PTPN2: variants seen among roughly 807,000 people sequenced by gnomAD.
The protein encoded by PTPN2 is tyrosine-protein phosphatase non-receptor type 2.
In PTPN2, 19 loss-of-function variants were observed where a neutral mutation model predicts 57.3. The observed-to-expected ratio is 0.33, with a 90% CI of 0.23 to 0.49. The LOEUF is 0.49. PTPN2 is among the 20% of genes least tolerant of loss of function. The probability of loss-of-function intolerance (pLI) is 0.99; values close to 1 mark genes in which losing one functional copy is unlikely to be tolerated. For missense variants in PTPN2, 358 were observed against 501.1 expected (o/e 0.71, Z 2.73); for synonymous variants, 153 against 164.9 (o/e 0.93, Z 0.55).
intron 5 of PTPN2, chr18:12,819,098 A>AG (rs1242877608): frequency 2.3e-6 from 1 of 428,912 alleles, no homozygotes; most frequent in Non-Finnish European, 4.0e-6. Context: ...CCATCTCAAA[A>AG]AAAAAAAAAA....
At chr18:12,859,818 T>C (rs1420918977) in intron 1 of PTPN2, among the ~76,000 whole-genome samples, 1 of 152,150 alleles carries the variant, frequency 6.6e-6, no homozygotes, top group Admixed American at 6.5e-5. Context: ...ATGTTTGTCA[T>C]TACTTCTCCT....
chr18:12,844,834 C>T (rs2043161830), intron 2 of PTPN2, among the ~76,000 whole-genome samples: 1 of 152,154 alleles, frequency 6.6e-6, no homozygotes, highest in Admixed American at 6.5e-5. Flanking sequence ...GCCTTACATC[C>T]TGAATTTTCT....
intron 1 of PTPN2, among the ~76,000 whole-genome samples, chr18:12,872,052 AAAAAAAC>A (rs140928954): frequency 0.17 from 21,169 of 122,604 alleles, 1,688 homozygotes; most frequent in Middle Eastern, 0.25. Context: ...CTGTCTCAAA[AAAAAAAC>A]AAAAAAACAA....
intron 1 of PTPN2, chr18:12,862,619 A>T (rs900793250): frequency 1.3e-5 from 2 of 152,306 alleles, no homozygotes; most frequent in African/African-American, 4.8e-5. Context: ...AACGCTGACA[A>T]AGAGGACTGG....
At chr18:12,866,615 T>C (rs1412130843) in intron 1 of PTPN2, among the ~76,000 whole-genome samples, 1 of 152,118 alleles carries the variant, frequency 6.6e-6, no homozygotes, top group Non-Finnish European at 1.5e-5. Flanking sequence ...AGTCTCTCCT[T>C]GGGGTGTTGA....
At chr18:12,849,063 A>G (rs564553455) in intron 2 of PTPN2, among the ~76,000 whole-genome samples, 1 of 152,176 alleles carries the variant, frequency 6.6e-6, no homozygotes, top group Non-Finnish European at 1.5e-5. Context: ...CTTGTTCCCA[A>G]TATTTTTTTA....
intron 7 of PTPN2, among the ~76,000 whole-genome samples, chr18:12,804,507 T>C (rs553577613): frequency 6.8e-6 from 1 of 147,826 alleles, no homozygotes; most frequent in South Asian, 2.1e-4. Context: ...AACAAACCTA[T>C]AGCAGACTAA....
intron 2 of PTPN2, among the ~76,000 whole-genome samples, chr18:12,855,625 AT>A (rs1309545040): frequency 6.6e-6 from 1 of 152,086 alleles, no homozygotes; most frequent in Non-Finnish European, 1.5e-5. Context: ...CTGAGAGATA[AT>A]TTACTCGGTG....
Position 12,870,321 on chromosome 18 carries a change from G to GTGTA in PTPN2, c.70-11068_70-11067insTACA, listed in dbSNP as rs1568168500. On this transcript the variant is annotated intron_variant, in intron 1 of 8. Coordinates refer to ENST00000309660, the MANE Select transcript of PTPN2 (RefSeq NM_002828.4). Reference sequence around the variant, plus strand: ...TATGTGTATATATACATATATATGTGTATATATATGTATATATATACATAT... The same window carrying GTGTA: ...TATGTGTATATATACATATATATGTGTGTATATATATATGTATATATATACATAT... Among the ~76,000 whole-genome samples, 84 of 40,972 alleles carry GTGTA rather than the reference G, an allele frequency of 2.1e-3. 4 individuals carry two copies. Among genetic ancestry groups the GTGTA allele is most frequent in the South Asian group, 0.015 (15 of 998 alleles). The allele number at this position is 40,972 out of a possible 152,430, so 26.9% of individuals were successfully genotyped here. A position where few individuals can be genotyped will look rare whatever the true frequency, so the allele number is the denominator to read the frequency against.
chr18:12,834,137 A>G, intron 3 of PTPN2, among the ~76,000 whole-genome samples: 1 of 152,138 alleles, frequency 6.6e-6, no homozygotes, highest in East Asian at 1.9e-4. Context: ...GACCAGCCTG[A>G]GCAACATGGT....
chr18:12,808,284 C>T (rs2145278972), intron 7 of PTPN2, among the ~76,000 whole-genome samples: 1 of 151,150 alleles, frequency 6.6e-6, no homozygotes, highest in Non-Finnish European at 1.5e-5. Context: ...ATTTCAAGTA[C>T]TATGAAATAT....
intron 1 of PTPN2, among the ~76,000 whole-genome samples, chr18:12,866,897 C>T (rs988293044): frequency 6.6e-6 from 1 of 151,522 alleles, no homozygotes; most frequent in South Asian, 2.1e-4. Context: ...CCCAGCTACT[C>T]GGGACACTGA....
At chr18:12,870,653 C>T (rs773327237) in intron 1 of PTPN2, among the ~76,000 whole-genome samples, 15 of 149,150 alleles carry the variant, frequency 1.0e-4, no homozygotes, top group East Asian at 2.0e-4. Flanking sequence ...GGACTACAGG[C>T]GCCCGCAACC....
intron 5 of PTPN2, among the ~76,000 whole-genome samples, chr18:12,820,436 A>C (rs2042231548): frequency 6.6e-6 from 1 of 152,186 alleles, no homozygotes; most frequent in Non-Finnish European, 1.5e-5. Flanking sequence ...ATTCATATGC[A>C]TGACTGGATG....
chr18:12,870,456 TATATATAGAGAGAGAGAG>T (rs1297240703), intron 1 of PTPN2, among the ~76,000 whole-genome samples: 4 of 38,622 alleles, frequency 1.0e-4, no homozygotes, highest in African/African-American at 4.9e-4. Flanking sequence ...TATATATATA[TATATATAGAGAGAGAGAG>T]AGAGAGAGAG....
chr18:12,834,163 C>A (rs2042766937), intron 3 of PTPN2, among the ~76,000 whole-genome samples: 1 of 152,112 alleles, frequency 6.6e-6, no homozygotes, highest in South Asian at 2.1e-4. Flanking sequence ...CTTGTCTCTA[C>A]TAAAAATACA....
intron 1 of PTPN2, among the ~76,000 whole-genome samples, chr18:12,866,906 G>A (rs1183888075): frequency 6.6e-6 from 1 of 152,002 alleles, no homozygotes; most frequent in Non-Finnish European, 1.5e-5. Context: ...TCGGGACACT[G>A]AGGCAGGAGA....
At chr18:12,846,053 G>A (rs2043195302) in intron 2 of PTPN2, among the ~76,000 whole-genome samples, 1 of 152,090 alleles carries the variant, frequency 6.6e-6, no homozygotes, top group South Asian at 2.1e-4. Context: ...CTCCATTTGA[G>A]TTGTCAGATA....
chr18:12,819,575 G>A (rs1383289315), intron 5 of PTPN2, among the ~76,000 whole-genome samples: 2 of 151,878 alleles, frequency 1.3e-5, no homozygotes, highest in Non-Finnish European at 2.9e-5. Context: ...GTTATGGGCA[G>A]TGGTTACATG....
Sources: allele counts gnomAD v4.1 joint callset (sites outside exome capture counted in the v4.1 genomes callset), GRCh38; gene constraint gnomAD v4.1.1; transcripts MANE v1.5; gene names NCBI Gene and HGNC (gene_info 2026-07-23, HGNC 2026-07-21).